NSUN6: variants seen among roughly 807,000 people sequenced by gnomAD.
NSUN6 encodes the protein tRNA (cytosine(72)-C(5))-methyltransferase NSUN6.
Under a neutral mutation model 58.0 loss-of-function variants are expected in NSUN6, and 64 were observed. The observed-to-expected ratio is 1.10, with a 90% CI of 0.90 to 1.36. The LOEUF (loss-of-function observed/expected upper bound fraction) is 1.36. Among genes scored for constraint, NSUN6 ranks in the 40% most tolerant of loss-of-function variants. The pLI is 0.00. For synonymous variants in NSUN6, 231 were observed against 193.9 expected, an observed-to-expected ratio of 1.19 and a Z score of -1.59; for missense variants, 701 against 550.1, an observed-to-expected ratio of 1.27 and a Z score of -2.74.
intron 3 of NSUN6, among the ~76,000 whole-genome samples, chr10:18,629,740 C>A (rs945146888): frequency 6.8e-6 from 1 of 147,302 alleles, no homozygotes; most frequent in African/African-American, 2.5e-5. Flanking sequence ...ACAGGAGCAC[C>A]CAGATTCATA....
chr10:18,607,221 C>T (rs1245913703), intron 6 of NSUN6, among the ~76,000 whole-genome samples: 1 of 152,174 alleles, frequency 6.6e-6, no homozygotes, highest in Non-Finnish European at 1.5e-5. Context: ...AAAACAAAGG[C>T]AACTTCTTGA....
intron 8 of NSUN6, among the ~76,000 whole-genome samples, chr10:18,555,981 T>C (rs558838726): frequency 2.1e-5 from 3 of 144,578 alleles, no homozygotes; most frequent in African/African-American, 5.2e-5. Flanking sequence ...GAGAATTAAA[T>C]AGAATGGATA....
chr10:18,585,954 G>A lies in NSUN6; in HGVS notation c.917C>T (p.Thr306Ile), dbSNP rs2057116181. Reference protein sequence around the residue: ...KAVKLDMVEDTEGEPPFLPES... With the variant: ...KAVKLDMVEDIEGEPPFLPES... Reference sequence around the variant, plus strand: ...AGAAAATCAAAATAGCTCACCTTCTGTGTCCTCCACCATATCAAGTTTAAC... The same window carrying A: ...AGAAAATCAAAATAGCTCACCTTCTATGTCCTCCACCATATCAAGTTTAAC... Residue 306 changes from threonine (T) to isoleucine (I), a missense_variant, in exon 8 of 11, where the codon ACA (threonine) becomes ATA (isoleucine). Physicochemically the swap from Thr to Ile is moderately conservative, Grantham distance 89. Coordinates refer to ENST00000377304, the MANE Select transcript of NSUN6 (RefSeq NM_182543.5). 6.3e-7 allele frequency: 1 copy of A among 1,596,148 alleles called. No individual in the cohort carries two copies. The highest frequency in any genetic ancestry group is 1.8e-5 in the Admixed American group (1 of 54,638).
chr10:18,597,498 G>A (rs1363253559), intron 6 of NSUN6, among the ~76,000 whole-genome samples: 1 of 152,068 alleles, frequency 6.6e-6, no homozygotes, highest in Non-Finnish European at 1.5e-5. Flanking sequence ...GGCCAGGAGT[G>A]CTGGTTCATG....
chr10:18,654,104 G>A (rs1384989045), upstream of NSUN6, among the ~76,000 whole-genome samples: 1 of 152,068 alleles, frequency 6.6e-6, no homozygotes, highest in Non-Finnish European at 1.5e-5. Context: ...CACTGATTTA[G>A]GTGATCACTG....
intron 7 of NSUN6, 128 bp from the exon 8 acceptor site, chr10:18,586,221 T>A: frequency 1.4e-6 from 1 of 706,614 alleles, no homozygotes; most frequent in Non-Finnish European, 2.2e-6. Flanking sequence ...ATCCCTAATT[T>A]AAAACCTCTA....
chr10:18,651,597 A>G, upstream of NSUN6: 1 of 987,858 alleles, frequency 1.0e-6, no homozygotes, highest in Non-Finnish European at 1.2e-6. Flanking sequence ...CAATTTCCAA[A>G]CACGCGCCCC....
At chr10:18,654,196 A>G (rs574630203), upstream of NSUN6, among the ~76,000 whole-genome samples, 2 of 152,136 alleles carry the variant, frequency 1.3e-5, no homozygotes, top group Non-Finnish European at 2.9e-5. Context: ...CCTGGGTTCA[A>G]GCGATTCTCC....
rs111897595 is a variant in NSUN6, at chr10:18,577,853, C to G, written c.922+8096G>C. Among the ~76,000 whole-genome samples, 38 of 152,312 alleles carry G rather than the reference C, an allele frequency of 2.5e-4. 1 individual carries two copies. Among genetic ancestry groups the G allele is most frequent in the African/African-American group, 8.7e-4 (36 of 41,558 alleles). On this transcript the variant is annotated intron_variant, in intron 8 of 10. Transcript: ENST00000377304. The stretch of plus-strand genomic sequence containing the variant: ...CCGCCAAACCACTCACCCTGTCATT[C>G]TCTTTAAATTAGCCAACCGGAATTA...
chr10:18,652,389 G>A (rs1397896909), upstream of NSUN6: 2 of 983,944 alleles, frequency 2.0e-6, no homozygotes, highest in Non-Finnish European at 2.4e-6. Context: ...CATAAGTATA[G>A]GAAAGGGTTT....
chr10:18,630,416 G>A (rs1443566356), intron 3 of NSUN6, among the ~76,000 whole-genome samples: 1 of 151,940 alleles, frequency 6.6e-6, no homozygotes, highest in Non-Finnish European at 1.5e-5. Context: ...GAGCAGAACT[G>A]AAGGAAATAG....
chr10:18,608,261 G>A (rs1461912367), intron 6 of NSUN6, among the ~76,000 whole-genome samples: 2 of 152,138 alleles, frequency 1.3e-5, no homozygotes, highest in Non-Finnish European at 2.9e-5. Context: ...TGATTTTAAG[G>A]TGAAGGAGTG....
upstream of NSUN6, among the ~76,000 whole-genome samples, chr10:18,654,286 TCCTC>T (rs1328139051): frequency 2.6e-5 from 4 of 152,108 alleles, no homozygotes; most frequent in Non-Finnish European, 5.9e-5. Flanking sequence ...TTCTATCTAG[TCCTC>T]CCTTTTTCTG....
chr10:18,573,343 T>A (rs1231871470), intron 8 of NSUN6, among the ~76,000 whole-genome samples: 2 of 150,980 alleles, frequency 1.3e-5, no homozygotes, highest in African/African-American at 4.9e-5. Flanking sequence ...TACCCATTCC[T>A]TTCCATTCCT....
At chr10:18,565,519 T>A (rs1453172926) in intron 8 of NSUN6, among the ~76,000 whole-genome samples, 1 of 150,228 alleles carries the variant, frequency 6.7e-6, no homozygotes, top group Middle Eastern at 3.5e-3. Context: ...TCTACTCCAT[T>A]TTCCATTACA....
intron 3 of NSUN6, among the ~76,000 whole-genome samples, chr10:18,636,038 C>A (rs1159918976): frequency 1.3e-5 from 2 of 151,230 alleles, no homozygotes; most frequent in Non-Finnish European, 2.9e-5. Flanking sequence ...ACATTTGATA[C>A]CACAGGTTAT....
chr10:18,560,522 G>A (rs893546685), intron 8 of NSUN6, among the ~76,000 whole-genome samples: 1 of 151,160 alleles, frequency 6.6e-6, no homozygotes, highest in Non-Finnish European at 1.5e-5. Flanking sequence ...GGAATGGAAT[G>A]GAGAATGGAA....
chr10:18,609,901 G>T lies in NSUN6; in HGVS notation c.601C>A (p.Pro201Thr). ...TCAAATGAAGGGCTGAGATATACTG[G>T]TTCTGTCATTCTTATGCCCATGCCT... ...LKGMGIRMTE[P>T]VYLSPSFDSV... Residue 201 changes from proline (P) to threonine (T), a missense_variant, in exon 6 of 11, where the codon CCA becomes ACA. Pro to Thr is a conservative substitution (Grantham distance 38). Transcript: ENST00000377304. 1 of 1,603,218 alleles carries T rather than the reference G, an allele frequency of 6.2e-7. No individual in the cohort carries two copies.
intron 8 of NSUN6, among the ~76,000 whole-genome samples, chr10:18,570,449 C>A (rs1418908364): frequency 3.3e-5 from 5 of 150,644 alleles, no homozygotes; most frequent in Non-Finnish European, 7.4e-5. Flanking sequence ...TTCCATTCTC[C>A]ATTCCATTCC....
Sources: allele counts gnomAD v4.1 joint callset (sites outside exome capture counted in the v4.1 genomes callset), GRCh38; gene constraint gnomAD v4.1.1; transcripts MANE v1.5; gene names NCBI Gene and HGNC (gene_info 2026-07-23, HGNC 2026-07-21).